The following SLC22A25 variants were observed in gnomAD, a reference collection of about 807,000 sequenced individuals.
The protein encoded by SLC22A25 is MGI:2442751, MGI:2385316, MGI:3042283, MGI:3645714, MGI:3605624, MGI:2442750.
A neutral mutation model predicts 45.9 loss-of-function variants in SLC22A25; 44 were observed. That is an observed-to-expected ratio of 0.96 (90% CI 0.75 to 1.23). The LOEUF is 1.23. SLC22A25 is among the 50% of genes most tolerant of loss of function. The pLI is 0.00. For missense variants in SLC22A25, 800 were observed against 666.4 expected, an observed-to-expected ratio of 1.20 and a Z score of -2.21; for synonymous variants, 283 against 238.6, an observed-to-expected ratio of 1.19 and a Z score of -1.72.
chr11:63,217,210 G>A (rs1460805053), intron 7 of SLC22A25, 104 bp downstream of exon 7: 5 of 1,297,850 alleles, frequency 3.9e-6, no homozygotes, highest in Non-Finnish European at 5.2e-6. Context: ...TTAGGAGAAT[G>A]TACTCAAGGC....
At chr11:63,195,363 T>G (rs2088982757) in intron 7 of SLC22A25, among the ~76,000 whole-genome samples, 1 of 152,072 alleles carries the variant, frequency 6.6e-6, no homozygotes, top group African/African-American at 2.4e-5. Flanking sequence ...AGTAAAGCTC[T>G]CCTCAGCAAA....
In SLC22A25 at chr11:63,215,519, C is replaced by T. The variant is rs567453117; in HGVS notation, c.830+1795G>A. On this transcript the variant is annotated intron_variant, in intron 7 of 11. Transcript: ENST00000306494. ...ATGGGTGTAGCAAACCACAATGGCA[C>T]ATGTATATCTGTGTAACAAACCTGC... Among the ~76,000 whole-genome samples the T allele has an allele frequency of 2.6e-4, 39 of 152,228 alleles. 1 individual carries two copies. In the South Asian group the frequency reaches 7.5e-3, roughly 29 times the overall value.
chr11:63,168,289 G>C (rs1057435670), intron 9 of SLC22A25, among the ~76,000 whole-genome samples: 27 of 152,114 alleles, frequency 1.8e-4, no homozygotes, highest in African/African-American at 6.3e-4. Flanking sequence ...TCTCTCCAGG[G>C]AGGGCATTAA....
intron 4 of SLC22A25, 107 bp downstream of exon 4, chr11:63,229,144 G>C: frequency 8.5e-7 from 1 of 1,173,068 alleles, no homozygotes; most frequent in Non-Finnish European, 1.2e-6. Flanking sequence ...CTGAAAGAAT[G>C]AAGAATAAGC....
intron 9 of SLC22A25, among the ~76,000 whole-genome samples, chr11:63,175,372 A>T (rs940402830): frequency 6.6e-6 from 1 of 152,080 alleles, no homozygotes; most frequent in Non-Finnish European, 1.5e-5. Flanking sequence ...AGTGATTTTG[A>T]GCACATTTTC....
intron 7 of SLC22A25, among the ~76,000 whole-genome samples, chr11:63,187,640 C>G (rs1255016104): frequency 6.6e-6 from 1 of 152,186 alleles, no homozygotes; most frequent in East Asian, 1.9e-4. Flanking sequence ...AAAGGGAATG[C>G]TTCCGGTTTT....
Position 63,229,641 on chromosome 11 carries a change from C to T in SLC22A25, c.12G>A (p.Gln4=), listed in dbSNP as rs762259707. The T allele has an allele frequency of 6.2e-6, 10 of 1,601,094 alleles. No individual in the cohort carries two copies. The highest frequency in any genetic ancestry group is 2.7e-5 in the African/African-American group (2 of 74,646). The change falls in exon 4 of 12, where the codon CAG becomes CAA. Residue 4 remains glutamine (Q), a synonymous_variant. Coordinates refer to ENST00000306494, the MANE Select transcript of SLC22A25 (RefSeq NM_199352.6). The part of the protein sequence containing the change: MAF[Q]DLLDQVGGLG... ...GGCCTCCAACTTGATCTAGGAGGTC[C>T]TGAAAGGCCATTGAGGCTGGACAAG...
chr11:63,173,043 A>G (rs953238749), intron 9 of SLC22A25, among the ~76,000 whole-genome samples: 1 of 152,184 alleles, frequency 6.6e-6, no homozygotes, highest in Non-Finnish European at 1.5e-5. Context: ...CAGCCATAAA[A>G]AAAGATGAGT....
intron 9 of SLC22A25, among the ~76,000 whole-genome samples, chr11:63,177,269 G>T (rs2088124186): frequency 6.6e-6 from 1 of 151,816 alleles, no homozygotes; most frequent in African/African-American, 2.4e-5. Flanking sequence ...GAGGCACTGT[G>T]ATATTTTGAT....
At chr11:63,234,776 C>T (rs538250126) in intron 3 of SLC22A25, among the ~76,000 whole-genome samples, 102 of 152,216 alleles carry the variant, frequency 6.7e-4, no homozygotes, top group Middle Eastern at 6.8e-3. Flanking sequence ...TGGCTGGTAC[C>T]GGTTGTTCCT....
intron 7 of SLC22A25, among the ~76,000 whole-genome samples, chr11:63,185,633 G>A (rs1300752396): frequency 2.0e-5 from 3 of 146,360 alleles, no homozygotes; most frequent in Admixed American, 6.9e-5. Context: ...ATGCTGGTGC[G>A]CTGCACCCAC....
chr11:63,206,057 CA>C (rs1430506746), intron 7 of SLC22A25, among the ~76,000 whole-genome samples: 1 of 152,142 alleles, frequency 6.6e-6, no homozygotes, highest in African/African-American at 2.4e-5. Context: ...TCAATAGATG[CA>C]GAAAAGGCCT....
intron 9 of SLC22A25, among the ~76,000 whole-genome samples, chr11:63,180,347 A>T (rs571174034): frequency 1.0e-3 from 155 of 152,256 alleles, no homozygotes; most frequent in Non-Finnish European, 2.0e-3. Context: ...TTTGCTGTTT[A>T]TAAATTAGCT....
At chr11:63,196,558 C>T (rs930501115) in intron 7 of SLC22A25, among the ~76,000 whole-genome samples, 9 of 152,158 alleles carry the variant, frequency 5.9e-5, no homozygotes, top group East Asian at 1.9e-4. Flanking sequence ...TTCAACAGCC[C>T]TTCATGCTGA....
At chr11:63,213,481 C>G (rs543245517) in intron 7 of SLC22A25, among the ~76,000 whole-genome samples, 20 of 152,294 alleles carry the variant, frequency 1.3e-4, no homozygotes, top group African/African-American at 4.8e-4. Flanking sequence ...GTGGCTACCA[C>G]AATCCTTATA....
chr11:63,240,076 C>T (rs1213380786), intron 1 of SLC22A25, among the ~76,000 whole-genome samples: 5 of 152,152 alleles, frequency 3.3e-5, no homozygotes. Flanking sequence ...TAGCCTATTG[C>T]TCATATCCTG....
chr11:63,236,746 G>A (rs527502190), intron 3 of SLC22A25, among the ~76,000 whole-genome samples: 6 of 152,238 alleles, frequency 3.9e-5, no homozygotes, highest in South Asian at 4.2e-4. Context: ...CTTCTGCATC[G>A]CTGACCCTGG....
intron 9 of SLC22A25, among the ~76,000 whole-genome samples, chr11:63,176,530 C>T (rs1050951197): frequency 6.6e-6 from 1 of 151,858 alleles, no homozygotes; most frequent in African/African-American, 2.4e-5. Context: ...TGTATAAAAA[C>T]ACAACTGATT....
chr11:63,193,358 G>C (rs1286845326), intron 7 of SLC22A25, among the ~76,000 whole-genome samples: 2 of 152,204 alleles, frequency 1.3e-5, no homozygotes, highest in Non-Finnish European at 2.9e-5. Flanking sequence ...TGAACCCCGA[G>C]TAGCCTAACT....
Sources: gnomAD v4.1 joint callset for allele counts (sites outside exome capture counted in the v4.1 genomes callset) on GRCh38, gnomAD v4.1.1 for gene constraint, MANE v1.5 for transcripts, NCBI Gene and HGNC (gene_info 2026-07-23, HGNC 2026-07-21) for gene names.